Variants in ROBO2 observed in about 807,000 individuals in gnomAD.
The protein encoded by ROBO2 is roundabout guidance receptor 2, also known as roundabout homolog 2.
ROBO2 carries 53 observed loss-of-function variants against 160.8 expected under a neutral mutation model. That is an observed-to-expected ratio of 0.33 (90% confidence interval 0.26 to 0.41). The LOEUF (loss-of-function observed/expected upper bound fraction) is 0.41. ROBO2 is among the 10% of genes least tolerant of loss of function. The pLI is 1.00. For missense variants in ROBO2, 1,577 were observed against 1,722.4 expected (o/e 0.92, Z 1.49); for synonymous variants, 664 against 611.7 (o/e 1.09, Z -1.26).
chr3:76,158,377 A>G (rs1187714063), intron 2 of ROBO2, among the ~76,000 whole-genome samples: 2 of 152,052 alleles, frequency 1.3e-5, no homozygotes, highest in Non-Finnish European at 2.9e-5. Context: ...TCCAATCTCC[A>G]GACCAGCAGT....
At position 77,563,953 on chromosome 3, in the gene ROBO2, C is replaced by T. The variant is rs550635332; in HGVS notation, c.1682+624C>T. The stretch of plus-strand genomic sequence containing the variant: ...TTAGCAAATATCAGTATAAAATTGT[C>T]CTATGAAAATTTGATAAAATGCTTA... On this transcript the variant is annotated intron_variant, in intron 11 of 25. Coordinates refer to ENST00000461745, the Ensembl canonical transcript of ROBO2. Among the ~76,000 whole-genome samples the T allele has an allele frequency of 1.2e-4, 19 of 152,110 alleles. No homozygotes were observed. In the East Asian group the frequency reaches 3.5e-3, roughly 28 times the overall value.
intron 2 of ROBO2, among the ~76,000 whole-genome samples, chr3:77,284,627 A>G (rs1291840989): frequency 6.6e-6 from 1 of 152,128 alleles, no homozygotes; most frequent in African/African-American, 2.4e-5. Flanking sequence ...GTTTTGTATT[A>G]TGATCATAGA....
At chr3:77,441,187 C>G (rs1348008725) in intron 2 of ROBO2, among the ~76,000 whole-genome samples, 1 of 151,892 alleles carries the variant, frequency 6.6e-6, no homozygotes, top group East Asian at 1.9e-4. Context: ...AGGGCAGCCC[C>G]TTTTCATTTT....
chr3:76,848,550 A>G (rs184672260), intron 2 of ROBO2, among the ~76,000 whole-genome samples: 1 of 152,302 alleles, frequency 6.6e-6, no homozygotes, highest in East Asian at 1.9e-4. Context: ...AGCTGCCATA[A>G]CAAAATACCA....
chr3:76,604,975 C>G (rs1273550739), intron 2 of ROBO2, among the ~76,000 whole-genome samples: 1 of 152,096 alleles, frequency 6.6e-6, no homozygotes, highest in Non-Finnish European at 1.5e-5. Context: ...CAAACTACGT[C>G]AAACTGAAAG....
intron 8 of ROBO2, among the ~76,000 whole-genome samples, chr3:77,553,590 G>A (rs1409287763): frequency 6.6e-6 from 1 of 152,032 alleles, no homozygotes; most frequent in South Asian, 2.1e-4. Flanking sequence ...TTGAAGGAAA[G>A]TAAAAGTGCT....
chr3:77,171,393 A>C (rs1478687117), intron 2 of ROBO2, among the ~76,000 whole-genome samples: 1 of 152,200 alleles, frequency 6.6e-6, no homozygotes, highest in Non-Finnish European at 1.5e-5. Context: ...AATTTTGGGA[A>C]GTTTAGAGGA....
At chr3:76,945,474 T>TA (rs1559744471) in intron 2 of ROBO2, among the ~76,000 whole-genome samples, 1 of 152,206 alleles carries the variant, frequency 6.6e-6, no homozygotes, top group East Asian at 1.9e-4. Context: ...TTATAGTTTT[T>TA]ATCCCATTTT....
intron 2 of ROBO2, among the ~76,000 whole-genome samples, chr3:77,118,262 C>A (rs2074396664): frequency 1.3e-5 from 2 of 152,050 alleles, no homozygotes; most frequent in Non-Finnish European, 2.9e-5. Flanking sequence ...GGGATGAATT[C>A]TAGTCACAGA....
intron 2 of ROBO2, among the ~76,000 whole-genome samples, chr3:77,382,872 A>G (rs1336614629): frequency 1.3e-5 from 2 of 152,202 alleles, no homozygotes; most frequent in African/African-American, 2.4e-5. Flanking sequence ...TTGTGCTGCA[A>G]TAAACATATG....
At chr3:76,807,000 T>A (rs1359782256) in intron 2 of ROBO2, among the ~76,000 whole-genome samples, 1 of 151,978 alleles carries the variant, frequency 6.6e-6, no homozygotes, top group Non-Finnish European at 1.5e-5. Context: ...GAAATTAGAA[T>A]CAATATAATG....
chr3:77,078,024 A>G (rs2068196585), intron 1 of ROBO2, among the ~76,000 whole-genome samples: 1 of 152,148 alleles, frequency 6.6e-6, no homozygotes, highest in African/African-American at 2.4e-5. Flanking sequence ...TCAGTAATTA[A>G]TCACATTATT....
intron 2 of ROBO2, among the ~76,000 whole-genome samples, chr3:76,355,024 TTATGTG>T (rs59312253): frequency 1.2e-3 from 183 of 151,074 alleles, no homozygotes; most frequent in Non-Finnish European, 1.6e-3. Flanking sequence ...ATGTGTATGT[TTATGTG>T]TATGTGTATG....
intron 16 of ROBO2, among the ~76,000 whole-genome samples, chr3:77,588,508 G>T (rs2094108764): frequency 1.3e-5 from 2 of 151,824 alleles, no homozygotes; most frequent in African/African-American, 4.8e-5. Flanking sequence ...CAACTACGTT[G>T]TGAATCCATC....
At chr3:76,715,121 G>C (rs1339633715) in intron 2 of ROBO2, among the ~76,000 whole-genome samples, 1 of 152,074 alleles carries the variant, frequency 6.6e-6, no homozygotes, top group Non-Finnish European at 1.5e-5. Flanking sequence ...ATTAGACACA[G>C]AGAAAGAGGT....
chr3:76,546,025 G>T (rs887958225), intron 2 of ROBO2, among the ~76,000 whole-genome samples: 6 of 151,844 alleles, frequency 4.0e-5, no homozygotes, highest in Admixed American at 3.3e-4. Context: ...AGTGACAATG[G>T]CTAAGTTCCC....
At chr3:76,435,186 G>A (rs2076614909) in intron 2 of ROBO2, 6 of 1,162,532 alleles carry the variant, frequency 5.2e-6, no homozygotes, top group Non-Finnish European at 7.8e-6. Flanking sequence ...CAACAGTAGG[G>A]ATGTCAAAGT....
intron 2 of ROBO2, among the ~76,000 whole-genome samples, chr3:77,337,170 A>T (rs1355766987): frequency 6.6e-6 from 1 of 152,230 alleles, no homozygotes; most frequent in African/African-American, 2.4e-5. Context: ...AAGTGAAGTC[A>T]TATTTCTAAA....
intron 1 of ROBO2, among the ~76,000 whole-genome samples, chr3:77,080,071 G>A (rs2068472959): frequency 6.6e-6 from 1 of 152,292 alleles, no homozygotes; most frequent in South Asian, 2.1e-4. Flanking sequence ...AAATGAGCAC[G>A]TTTTACTTTC....
Sources: allele counts gnomAD v4.1 joint callset (sites outside exome capture counted in the v4.1 genomes callset), GRCh38; gene constraint gnomAD v4.1.1; transcripts MANE v1.5; gene names NCBI Gene and HGNC (gene_info 2026-07-23, HGNC 2026-07-21).